Variants in TARS2 observed in about 807,000 individuals in gnomAD.
TARS2 encodes threonyl-tRNA synthetase 2, mitochondrial.
Under a neutral mutation model 94.4 loss-of-function variants are expected in TARS2, and 61 were observed. The observed-to-expected ratio is 0.65, with a 90% CI of 0.53 to 0.80. The LOEUF (loss-of-function observed/expected upper bound fraction) is 0.80. Among genes scored for constraint, TARS2 ranks in the 30% least tolerant of loss-of-function variants. TARS2 has a pLI of 0.00. For synonymous variants in TARS2, 359 were observed against 353.4 expected, an observed-to-expected ratio of 1.02 and a Z score of -0.18; for missense variants, 704 against 902.5, an observed-to-expected ratio of 0.78 and a Z score of 2.82.
chr1:150,500,444 G>A (rs773968762), intron 13 of TARS2, among the ~76,000 whole-genome samples: 1 of 151,894 alleles, frequency 6.6e-6, no homozygotes, highest in Non-Finnish European at 1.5e-5. Context: ...ATAAAAATTG[G>A]CCGGGTGAGG....
At chr1:150,506,808 C>T (rs2102517122) in intron 17 of TARS2, 108 bp from the exon 18 acceptor site, 2 of 1,458,670 alleles carry the variant, frequency 1.4e-6, no homozygotes, top group South Asian at 1.3e-5. Flanking sequence ...CTGGGCTCTG[C>T]TCCCACCCTT....
At chr1:150,497,023 C>G (rs1560250766) in intron 9 of TARS2, 115 bp downstream of exon 9, 2 of 960,474 alleles carry the variant, frequency 2.1e-6, no homozygotes, top group Non-Finnish European at 3.1e-6. Context: ...TGGCTCACAT[C>G]TATAATCCTA....
chr1:150,507,058 T>G lies in TARS2; in HGVS notation c.2151T>G (p.Ile717Met). ...CGAGGGTCCCAAATGCCGAAGAAAT[T>G]TTCTGAGCCTTTGTACATAGATGAG... is the stretch of plus-strand genomic sequence containing the variant. ...QNTRVPNAEE[I>M]F Residue 717 changes from isoleucine (I) to methionine (M), a missense_variant, in exon 18 of 18, where the codon ATT becomes ATG. Coordinates refer to ENST00000369064, the MANE Select transcript of TARS2 (RefSeq NM_025150.5). The G allele has an allele frequency of 6.2e-7, 1 of 1,613,898 alleles. No individual in the cohort carries two copies. The highest frequency in any genetic ancestry group is 8.5e-7 in the Non-Finnish European group (1 of 1,179,974).
At chr1:150,489,213 G>T (rs751529776) in intron 3 of TARS2, 126 bp downstream of exon 3, 4 of 1,348,872 alleles carry the variant, frequency 3.0e-6, no homozygotes, top group Non-Finnish European at 3.2e-6. Context: ...ACCTACCACA[G>T]ACTGTCTTGA....
chr1:150,503,454 G>A (rs1440178989), intron 13 of TARS2, among the ~76,000 whole-genome samples: 5 of 151,630 alleles, frequency 3.3e-5, no homozygotes, highest in Admixed American at 1.3e-4. Flanking sequence ...TTGGGAGGCC[G>A]AAGTGGGCAG....
At chr1:150,506,257 T>C (rs1670196006) in intron 17 of TARS2, among the ~76,000 whole-genome samples, 1 of 152,062 alleles carries the variant, frequency 6.6e-6, no homozygotes, top group African/African-American at 2.4e-5. Flanking sequence ...GACTTGTACA[T>C]GGCCCCTTTC....
chr1:150,489,355 C>A (rs1032650401), intron 3 of TARS2: 1 of 427,840 alleles, frequency 2.3e-6, no homozygotes, highest in African/African-American at 2.0e-5. Context: ...TAAATTCAGC[C>A]CCCTCAACTC....
chr1:150,489,802 C>T (rs994876463), intron 3 of TARS2, among the ~76,000 whole-genome samples: 8 of 152,012 alleles, frequency 5.3e-5, no homozygotes, highest in South Asian at 4.1e-4. Context: ...ATTAGCTGGG[C>T]GTGGTGGTGA....
chr1:150,494,746 T>A (rs1207222211), intron 7 of TARS2, among the ~76,000 whole-genome samples: 2 of 148,904 alleles, frequency 1.3e-5, no homozygotes, highest in Non-Finnish European at 3.0e-5. Flanking sequence ...TCAAAAAATA[T>A]ACATATAGGG....
In TARS2 at chr1:150,487,450, C is replaced by T. The variant is rs1207848962; in HGVS notation, c.-1C>T. The T allele has an allele frequency of 3.7e-6, 6 of 1,614,076 alleles. 1 individual carries two copies. In the Admixed American group the frequency reaches 1.0e-4, roughly 27 times the overall value. On this transcript the variant is annotated 5_prime_UTR_variant, in exon 1 of 18. Transcript: ENST00000369064. ...GGATGTAGGCACTGGTGTGAAGGAACATGGCCCTGTATCAGAGGTGGCGGT... is the reference window on the plus strand; with the variant it reads ...GGATGTAGGCACTGGTGTGAAGGAATATGGCCCTGTATCAGAGGTGGCGGT...
chr1:150,505,756 G>C (rs777280231), intron 17 of TARS2, 51 bp downstream of exon 17: 1 of 1,554,426 alleles, frequency 6.4e-7, no homozygotes, highest in Non-Finnish European at 8.8e-7. Context: ...CTGCATTCTT[G>C]CTGTTAAGTT....
intron 16 of TARS2, 70 bp from the exon 17 acceptor site, chr1:150,505,521 G>A: frequency 7.4e-7 from 1 of 1,358,496 alleles, no homozygotes; most frequent in South Asian, 1.2e-5. Flanking sequence ...TGAGGGAAAA[G>A]AGCATCAGAC....
At chr1:150,498,374 G>A in intron 10 of TARS2, 128 bp from the exon 11 acceptor site, 2 of 1,150,924 alleles carry the variant, frequency 1.7e-6, no homozygotes, top group Admixed American at 3.0e-5. Context: ...TCAGTGGGAG[G>A]ATGTGCTGAG....
rs1408939484 is a variant in TARS2 at position 150,504,675 on chromosome 1, G to A, written c.1762G>A (p.Val588Met). 6.8e-6 allele frequency: 11 copies of A among 1,613,700 alleles called. No individual in the cohort carries two copies. The highest frequency in any genetic ancestry group is 1.3e-5 in the African/African-American group (1 of 74,884). Residue 588 changes from valine to methionine, a missense_variant, in exon 15 of 18, where the codon GTG becomes ATG. By Grantham distance (21) the Val-to-Met change is conservative. Transcript: ENST00000369064. ...GCGTCCAGTCCTCATTCACCGAGCA[G>A]TGCTCGGTTCTGTGGAAAGACTGTT... Reference protein sequence around the residue: ...LERPVLIHRAVLGSVERLLGV... With the variant: ...LERPVLIHRAMLGSVERLLGV...
chr1:150,493,520 G>A (rs868016007), intron 7 of TARS2, among the ~76,000 whole-genome samples: 35 of 150,868 alleles, frequency 2.3e-4, no homozygotes, highest in Middle Eastern at 7.1e-3. Flanking sequence ...TTGGGAAGCC[G>A]AGGTGGGTGG....
rs758510335 is a variant in TARS2 at position 150,489,072 on chromosome 1, C to T, written c.372C>T (p.Ser124=). The T allele has an allele frequency of 2.5e-6, 4 of 1,614,138 alleles. No homozygotes were observed. Among genetic ancestry groups the T allele is most frequent in the African/African-American group, 2.7e-5 (2 of 75,060 alleles). Residue 124 remains serine, a synonymous_variant, in exon 3 of 18, where the codon TCC becomes TCT. Coordinates refer to ENST00000369064, the MANE Select transcript of TARS2 (RefSeq NM_025150.5). ...ACCTCAGATTTCTGACATTCGATTCCCCAGAGGGGAAAGCAGTAAGTTTCT... is the reference window on the plus strand; with the variant it reads ...ACCTCAGATTTCTGACATTCGATTCTCCAGAGGGGAAAGCAGTAAGTTTCT... The part of the protein sequence containing the change: ...DSDLRFLTFD[S]PEGKAVFWHS...
At chr1:150,501,981 C>T (rs1273884599) in intron 13 of TARS2, among the ~76,000 whole-genome samples, 4 of 151,768 alleles carry the variant, frequency 2.6e-5, no homozygotes, top group African/African-American at 4.9e-5. Context: ...GGCGCAATCT[C>T]GGCTCACTGC....
At chr1:150,498,048 G>A (rs984922234) in intron 10 of TARS2, among the ~76,000 whole-genome samples, 3 of 149,176 alleles carry the variant, frequency 2.0e-5, no homozygotes, top group Admixed American at 1.3e-4. Flanking sequence ...AGCCGAGATC[G>A]CGCCACTGCA....
chr1:150,490,869 C>G, intron 4 of TARS2, 144 bp downstream of exon 4: 1 of 1,230,400 alleles, frequency 8.1e-7, no homozygotes, highest in Non-Finnish European at 1.1e-6. Context: ...GTATCTCCTT[C>G]TGTGCTAGTC....
Sources: allele counts gnomAD v4.1 joint callset (sites outside exome capture counted in the v4.1 genomes callset), GRCh38; gene constraint gnomAD v4.1.1; transcripts MANE v1.5; gene names NCBI Gene and HGNC (gene_info 2026-07-23, HGNC 2026-07-21).